RIMS2: variants seen among roughly 807,000 people sequenced by gnomAD.
RIMS2 encodes regulating synaptic membrane exocytosis 2, also known as regulating synaptic membrane exocytosis protein 2.
RIMS2 carries 59 observed loss-of-function variants against 174.4 expected under a neutral mutation model. The observed-to-expected ratio is 0.34, with a 90% CI of 0.27 to 0.42. The LOEUF (loss-of-function observed/expected upper bound fraction) is 0.42, where lower values mean the gene tolerates loss of function less well. Among genes scored for constraint, RIMS2 ranks in the 10% least tolerant of loss-of-function variants. RIMS2 has a pLI of 1.00. For synonymous variants in RIMS2, 606 were observed against 572.5 expected (o/e 1.06, Z -0.84); for missense variants, 1,620 against 1,666.3 (o/e 0.97, Z 0.48).
At chr8:103,936,896 C>A (rs1004872823) in intron 13 of RIMS2, among the ~76,000 whole-genome samples, 174 bp downstream of exon 15, 1 of 151,992 alleles carries the variant, frequency 6.6e-6, no homozygotes. Context: ...AAGATTGAGA[C>A]CATCCTGGCT....
At chr8:103,866,943 G>A (rs564977571) in intron 3 of RIMS2, among the ~76,000 whole-genome samples, 1 of 151,824 alleles carries the variant, frequency 6.6e-6, no homozygotes, top group Non-Finnish European at 1.5e-5. Context: ...TGAATATCTT[G>A]TCATGAGGTT....
intron 1 of RIMS2, among the ~76,000 whole-genome samples, chr8:103,561,809 A>T (rs950273769): frequency 6.6e-6 from 1 of 152,142 alleles, no homozygotes; most frequent in Non-Finnish European, 1.5e-5. Context: ...GACATACCTG[A>T]GACTGGGCAA....
chr8:104,244,106 T>C (rs1344277384), intron 19 of RIMS2, among the ~76,000 whole-genome samples: 1 of 152,212 alleles, frequency 6.6e-6, no homozygotes, highest in East Asian at 1.9e-4. Flanking sequence ...ACTTCTTCCC[T>C]GACCTCTCCA....
chr8:103,681,787 A>AT (rs1390959249), intron 1 of RIMS2, among the ~76,000 whole-genome samples: 5 of 151,958 alleles, frequency 3.3e-5, no homozygotes, highest in South Asian at 2.1e-4. Context: ...AGTAGAGATA[A>AT]TTTTTTCTGC....
intron 3 of RIMS2, among the ~76,000 whole-genome samples, chr8:103,815,300 A>G (rs375198380): frequency 9.1e-4 from 138 of 152,300 alleles, no homozygotes; most frequent in African/African-American, 3.2e-3. Flanking sequence ...TGCCAATTTA[A>G]TAGGCAAAAT....
intron 19 of RIMS2, 147 bp from the exon 23 acceptor site, chr8:104,068,365 G>A: frequency 2.4e-6 from 1 of 409,798 alleles, no homozygotes. Flanking sequence ...AAATAAATCT[G>A]TAAAATAATA....
chr8:103,849,739 G>A (rs373423281), intron 3 of RIMS2, among the ~76,000 whole-genome samples: 48 of 152,024 alleles, frequency 3.2e-4, no homozygotes, highest in African/African-American at 1.0e-3. Context: ...TAGCAGCTGC[G>A]GGAGGGATTC....
At chr8:104,234,040 T>G (rs921887432) in intron 19 of RIMS2, among the ~76,000 whole-genome samples, 2 of 152,184 alleles carry the variant, frequency 1.3e-5, no homozygotes, top group Non-Finnish European at 2.9e-5. Flanking sequence ...TGGAGATTTA[T>G]GATAATTTCA....
At chr8:103,917,442 C>A (rs1435618741) in intron 8 of RIMS2, among the ~76,000 whole-genome samples, 3 of 152,094 alleles carry the variant, frequency 2.0e-5, no homozygotes, top group Non-Finnish European at 4.4e-5. Context: ...TTTGTCCTTT[C>A]ATAGTTTTAT....
At chr8:103,711,730 T>G (rs1199557528) in intron 2 of RIMS2, among the ~76,000 whole-genome samples, 1 of 151,926 alleles carries the variant, frequency 6.6e-6, no homozygotes, top group Non-Finnish European at 1.5e-5. Context: ...ACCTCATCTC[T>G]ACCAAAAATA....
chr8:103,653,843 G>C (rs796117580), intron 1 of RIMS2, among the ~76,000 whole-genome samples: 1 of 152,048 alleles, frequency 6.6e-6, no homozygotes, highest in Non-Finnish European at 1.5e-5. Context: ...ACTTAAGGTC[G>C]TTGAAGTAGG....
intron 1 of RIMS2, among the ~76,000 whole-genome samples, chr8:103,673,864 A>G (rs1397651424): frequency 6.6e-6 from 1 of 152,216 alleles, no homozygotes; most frequent in Non-Finnish European, 1.5e-5. Flanking sequence ...GATTTTCCAA[A>G]CTTTTAGGCT....
At chr8:104,223,769 A>T (rs1401003673) in intron 19 of RIMS2, 1 of 1,595,924 alleles carries the variant, frequency 6.3e-7, no homozygotes, top group South Asian at 1.1e-5. Flanking sequence ...TCCCTGCATG[A>T]ACTCCCTGGA....
intron 19 of RIMS2, among the ~76,000 whole-genome samples, chr8:104,110,852 T>C (rs972246378): frequency 1.3e-5 from 2 of 152,176 alleles, no homozygotes; most frequent in Non-Finnish European, 2.9e-5. Context: ...TATAATAAAG[T>C]TGTATTTAAA....
intron 4 of RIMS2, among the ~76,000 whole-genome samples, chr8:103,895,963 TG>T (rs1485714074): frequency 6.6e-6 from 1 of 151,602 alleles, no homozygotes; most frequent in Non-Finnish European, 1.5e-5. Context: ...AATGTTTGTG[TG>T]GTATACAGAC....
intron 3 of RIMS2, among the ~76,000 whole-genome samples, chr8:103,866,782 T>G (rs2099086514): frequency 6.6e-6 from 1 of 152,096 alleles, no homozygotes; most frequent in Non-Finnish European, 1.5e-5. Flanking sequence ...GTAGGAAGTA[T>G]TTTGGCTTTT....
In RIMS2 at chr8:103,508,195, A is replaced by G. The variant is rs144925405; in HGVS notation, c.176+7133A>G. The stretch of plus-strand genomic sequence containing the variant: ...TCTGGGAGTTGAAATAATTTTAACC[A>G]TTATCAGGTAATTCTTAAGGAGCTC... On this transcript the variant is annotated intron_variant, in intron 1 of 23. Transcript: ENST00000504942. Among the ~76,000 whole-genome samples the G allele has an allele frequency of 1.8e-3, 267 of 152,192 alleles. 3 individuals are homozygous for G. Among genetic ancestry groups the G allele is most frequent in the African/African-American group, 6.2e-3 (256 of 41,560 alleles).
At chr8:103,918,656 A>G (rs1355680903) in intron 9 of RIMS2, 169 bp downstream of exon 12, 1 of 590,954 alleles carries the variant, frequency 1.7e-6, no homozygotes, top group African/African-American at 1.9e-5. Flanking sequence ...ACTGTGGGAA[A>G]AACAAAAATG....
At position 104,166,216 on chromosome 8, in the gene RIMS2, G is replaced by A. The variant is rs562362020; in HGVS notation, c.3335-78700G>A. ...CGAGTAGCTGGGACTACAGGCGCCC[G>A]CCACCACGCCCGGCTAATTTTTTGT... On this transcript the variant is annotated intron_variant, in intron 19 of 23. Transcript: ENST00000504942. 9.2e-5 allele frequency among the ~76,000 whole-genome samples: 14 copies of A among 151,522 alleles called. No homozygotes were observed. The East Asian group carries it at 2.1e-3, about 23-fold the overall frequency.
Sources: gnomAD v4.1 joint callset for allele counts (sites outside exome capture counted in the v4.1 genomes callset) on GRCh38, gnomAD v4.1.1 for gene constraint, MANE v1.5 for transcripts, NCBI Gene and HGNC (gene_info 2026-07-23, HGNC 2026-07-21) for gene names.